The following DLGAP1 variants were observed in gnomAD, a reference collection of about 807,000 sequenced individuals.
DLGAP1 encodes disks large-associated protein 1.
In DLGAP1, 11 loss-of-function variants were observed where a neutral mutation model predicts 90.8. The ratio of observed to expected loss-of-function variants is 0.12; its 90% CI spans 0.08 to 0.20. The LOEUF (loss-of-function observed/expected upper bound fraction) is 0.20, where lower values mean the gene tolerates loss of function less well. Among genes scored for constraint, DLGAP1 ranks in the 10% least tolerant of loss-of-function variants. The pLI, the probability that DLGAP1 is intolerant of heterozygous loss-of-function variation, is 1.00. For missense variants in DLGAP1, 1,050 were observed against 1,333.8 expected (o/e 0.79, Z 3.31); for synonymous variants, 558 against 540.7 (o/e 1.03, Z -0.44).
intron 1 of DLGAP1, among the ~76,000 whole-genome samples, chr18:4,263,835 C>T (rs76591994): frequency 0.01 from 1,543 of 151,996 alleles, 32 homozygotes; most frequent in African/African-American, 0.036. Context: ...TACTTCAGAA[C>T]ATTAAACTAC....
intron 1 of DLGAP1, among the ~76,000 whole-genome samples, chr18:4,219,040 T>G (rs1004401456): frequency 9.7e-4 from 145 of 149,694 alleles, no homozygotes; most frequent in Non-Finnish European, 1.8e-3. Flanking sequence ...TTTTTTTTTT[T>G]TTTTTTTTTT....
intron 2 of DLGAP1, among the ~76,000 whole-genome samples, chr18:4,014,657 T>TC (rs140567084): frequency 2.0e-5 from 3 of 151,740 alleles, no homozygotes; most frequent in African/African-American, 4.8e-5. Context: ...ATATCACATA[T>TC]CCCCCCAAAA....
intron 7 of DLGAP1, among the ~76,000 whole-genome samples, chr18:3,670,481 C>A (rs563546957): frequency 6.6e-6 from 1 of 152,260 alleles, no homozygotes; most frequent in African/African-American, 2.4e-5. Flanking sequence ...ATTTATTCCC[C>A]CAATTCTTTT....
At chr18:4,242,713 T>C (rs2078566388) in intron 1 of DLGAP1, among the ~76,000 whole-genome samples, 1 of 152,054 alleles carries the variant, frequency 6.6e-6, no homozygotes, top group Non-Finnish European at 1.5e-5. Context: ...ATCACACATG[T>C]AGCATACCTG....
chr18:3,978,938 C>A (rs1406616196), intron 3 of DLGAP1, among the ~76,000 whole-genome samples: 1 of 152,090 alleles, frequency 6.6e-6, no homozygotes, highest in African/African-American at 2.4e-5. Context: ...GTAGGTAAAT[C>A]CACCTCTCTG....
intron 7 of DLGAP1, among the ~76,000 whole-genome samples, chr18:3,601,045 TATAGATAG>T (rs1404411331): frequency 6.9e-6 from 1 of 145,718 alleles, no homozygotes; most frequent in Non-Finnish European, 1.5e-5. Flanking sequence ...GAGATAAAGA[TATAGATAG>T]ATATATAGAT....
intron 2 of DLGAP1, among the ~76,000 whole-genome samples, chr18:4,016,271 A>G (rs2149104965): frequency 6.6e-6 from 1 of 152,386 alleles, no homozygotes; most frequent in South Asian, 2.1e-4. Flanking sequence ...ATAAATTACT[A>G]GTTCAAATAA....
At chr18:3,518,893 G>T (rs565092989) in intron 10 of DLGAP1, among the ~76,000 whole-genome samples, 16 of 152,308 alleles carry the variant, frequency 1.1e-4, no homozygotes, top group South Asian at 4.1e-4. Context: ...TCCCTCCCCA[G>T]TAGTGTGGAC....
At chr18:4,254,692 AAAATTGG>A (rs1445303044) in intron 1 of DLGAP1, among the ~76,000 whole-genome samples, 1 of 145,742 alleles carries the variant, frequency 6.9e-6, no homozygotes, top group African/African-American at 2.8e-5. Context: ...CTGGTTTATG[AAAATTGG>A]AAAGAGACTA....
At chr18:4,319,968 A>G (rs1297777883) in intron 1 of DLGAP1, among the ~76,000 whole-genome samples, 1 of 152,086 alleles carries the variant, frequency 6.6e-6, no homozygotes, top group Non-Finnish European at 1.5e-5. Context: ...AACCCCATCC[A>G]TCACTTGTCT....
chr18:4,177,836 A>G (rs2077136624), intron 1 of DLGAP1, among the ~76,000 whole-genome samples: 1 of 152,178 alleles, frequency 6.6e-6, no homozygotes, highest in Non-Finnish European at 1.5e-5. Flanking sequence ...CGTCATGAAT[A>G]TGTACCACAT....
At chr18:4,007,816 C>T (rs1423790371) in intron 2 of DLGAP1, among the ~76,000 whole-genome samples, 1 of 152,148 alleles carries the variant, frequency 6.6e-6, no homozygotes, top group Non-Finnish European at 1.5e-5. Context: ...ACTTATTGTG[C>T]AAACACTATG....
intron 1 of DLGAP1, among the ~76,000 whole-genome samples, chr18:4,219,322 G>A (rs1006277798): frequency 2.6e-5 from 4 of 151,428 alleles, no homozygotes; most frequent in African/African-American, 9.7e-5. Flanking sequence ...TTTTTGGACT[G>A]GGTTATTTGT....
At chr18:4,177,195 A>G (rs2077123615) in intron 1 of DLGAP1, among the ~76,000 whole-genome samples, 1 of 152,160 alleles carries the variant, frequency 6.6e-6, no homozygotes, top group African/African-American at 2.4e-5. Context: ...TTGATTCTTC[A>G]GTATATGCCC....
chr18:3,661,576 T>G (rs968023646), intron 7 of DLGAP1, among the ~76,000 whole-genome samples: 1 of 76,282 alleles, frequency 1.3e-5, no homozygotes, highest in Non-Finnish European at 2.5e-5. Flanking sequence ...AAGGTCTTTT[T>G]TTTTTTTTTT....
intron 4 of DLGAP1, among the ~76,000 whole-genome samples, chr18:3,830,781 C>T (rs2067991285): frequency 6.6e-6 from 1 of 152,104 alleles, no homozygotes; most frequent in African/African-American, 2.4e-5. Context: ...TCAGTCTCAC[C>T]CACCAATCTG....
intron 7 of DLGAP1, among the ~76,000 whole-genome samples, chr18:3,611,710 G>A (rs751310710): frequency 4.6e-5 from 7 of 152,088 alleles, no homozygotes; most frequent in Non-Finnish European, 5.9e-5. Flanking sequence ...AACCTTTTCC[G>A]CACCTTCTCT....
chr18:4,101,110 A>C (rs529224958), intron 2 of DLGAP1, among the ~76,000 whole-genome samples: 63 of 152,328 alleles, frequency 4.1e-4, no homozygotes, highest in African/African-American at 1.5e-3. Context: ...TTGGTGCAAG[A>C]GGCCTAGCTT....
At chr18:4,393,177 C>A (rs1167166057) in intron 1 of DLGAP1, among the ~76,000 whole-genome samples, 5 of 152,152 alleles carry the variant, frequency 3.3e-5, no homozygotes, top group Admixed American at 2.0e-4. Flanking sequence ...TTGTTGATTG[C>A]CTTAAAATAG....
Sources: gnomAD v4.1 joint callset for allele counts (sites outside exome capture counted in the v4.1 genomes callset) on GRCh38, gnomAD v4.1.1 for gene constraint, MANE v1.5 for transcripts, NCBI Gene and HGNC (gene_info 2026-07-23, HGNC 2026-07-21) for gene names.